Variants in R3HDM2 observed in about 807,000 individuals in gnomAD.
The protein encoded by R3HDM2 is R3H domain-containing protein 2.
Under a neutral mutation model 124.5 loss-of-function variants are expected in R3HDM2, and 38 were observed. That is an observed-to-expected ratio of 0.31 (90% CI 0.24 to 0.40). The LOEUF is 0.40. R3HDM2 is among the 10% of genes least tolerant of loss of function. The pLI, the probability that R3HDM2 is intolerant of heterozygous loss-of-function variation, is 1.00. For missense variants in R3HDM2, 869 were observed against 1,236.9 expected (o/e 0.70, Z 4.46); for synonymous variants, 391 against 448.0 (o/e 0.87, Z 1.61).
chr12:57,358,517 T>C (rs2061543165), intron 2 of R3HDM2, among the ~76,000 whole-genome samples: 1 of 151,848 alleles, frequency 6.6e-6, no homozygotes, highest in Non-Finnish European at 1.5e-5. Flanking sequence ...CATGGTACTG[T>C]GCACCTGTAC....
intron 2 of R3HDM2, among the ~76,000 whole-genome samples, chr12:57,320,824 T>C (rs1003454525): frequency 6.6e-6 from 1 of 152,120 alleles, no homozygotes; most frequent in Admixed American, 6.6e-5. Context: ...ATATGTTAGA[T>C]AGGGGATATT....
chr12:57,317,931 G>C (rs1401535664), intron 2 of R3HDM2, among the ~76,000 whole-genome samples: 1 of 148,556 alleles, frequency 6.7e-6, no homozygotes, highest in Non-Finnish European at 1.5e-5. Context: ...AGTGAGCCAA[G>C]ACTGCACCAT....
chr12:57,379,955 T>C (rs1202650326), intron 2 of R3HDM2, among the ~76,000 whole-genome samples: 1 of 152,146 alleles, frequency 6.6e-6, no homozygotes, highest in East Asian at 1.9e-4. Flanking sequence ...CTTCAACTTA[T>C]CTTCCTTACC....
chr12:57,253,935 A>G lies in R3HDM2; in HGVS notation c.*838T>C, dbSNP rs1248419778. ...GTTACTGCGGCACGAACCTCAAACAAACAATATACAAGTGTTCTGGGGGGG... is the reference window on the plus strand; with the variant it reads ...GTTACTGCGGCACGAACCTCAAACAGACAATATACAAGTGTTCTGGGGGGG... On this transcript the variant is annotated 3_prime_UTR_variant, in exon 24 of 24. Transcript: ENST00000402412. 3.3e-6 allele frequency: 1 copy of G among 298,852 alleles called. No homozygotes were observed. Among genetic ancestry groups the G allele is most frequent in the Admixed American group, 5.6e-5 (1 of 17,978 alleles). The allele number at this position is 298,852 out of a possible 1,614,324, so 18.5% of individuals were successfully genotyped here.
chr12:57,325,683 C>T (rs1250812834), intron 2 of R3HDM2, among the ~76,000 whole-genome samples: 3 of 151,498 alleles, frequency 2.0e-5, no homozygotes, highest in Admixed American at 2.0e-4. Context: ...TTGCTGGAAC[C>T]ACAGGCATGC....
At chr12:57,360,048 T>TATATATATA (rs58471413) in intron 2 of R3HDM2, among the ~76,000 whole-genome samples, 1 of 59,268 alleles carries the variant, frequency 1.7e-5, no homozygotes, top group African/African-American at 7.6e-5. Flanking sequence ...TATATATATA[T>TATATATATA]TTTTTTTTTT....
At chr12:57,386,333 G>C (rs1020648182) in intron 2 of R3HDM2, among the ~76,000 whole-genome samples, 2 of 152,352 alleles carry the variant, frequency 1.3e-5, no homozygotes, top group Non-Finnish European at 2.9e-5. Context: ...GGCGGGAACC[G>C]AGGCTGCCCA....
chr12:57,284,094 C>T, intron 12 of R3HDM2, 38 bp from the exon 13 acceptor site: 1 of 1,524,560 alleles, frequency 6.6e-7, no homozygotes, highest in Non-Finnish European at 8.9e-7. Flanking sequence ...CTCCCACCCA[C>T]CACTTTAGCA....
intron 2 of R3HDM2, among the ~76,000 whole-genome samples, chr12:57,313,488 CAGG>C (rs1040125925): frequency 1.1e-4 from 16 of 151,524 alleles, no homozygotes; most frequent in African/African-American, 3.6e-4. Flanking sequence ...CACTTGAGCC[CAGG>C]AGGTCAAGGA....
chr12:57,430,487 C>G (rs1869558777), intron 1 of R3HDM2: 1 of 913,610 alleles, frequency 1.1e-6, no homozygotes, highest in Non-Finnish European at 1.3e-6. Flanking sequence ...CGCCACCCCC[C>G]TGCCCCCGCA....
chr12:57,287,339 G>A (rs7486863), intron 12 of R3HDM2, among the ~76,000 whole-genome samples: 67,430 of 152,020 alleles, frequency 0.44, 15,851 homozygotes, highest in Middle Eastern at 0.8. Context: ...CTATGACCCC[G>A]AAGTGTAGAC....
chr12:57,291,212 G>C (rs2048509849), intron 11 of R3HDM2, among the ~76,000 whole-genome samples: 1 of 149,682 alleles, frequency 6.7e-6, no homozygotes, highest in South Asian at 2.1e-4. Flanking sequence ...ACATACAGTT[G>C]TTCAGTTTTT....
intron 14 of R3HDM2, among the ~76,000 whole-genome samples, chr12:57,275,989 G>A (rs1423071737): frequency 6.6e-6 from 1 of 152,060 alleles, no homozygotes; most frequent in Non-Finnish European, 1.5e-5. Flanking sequence ...AGGCCAAGGC[G>A]GGCGGATCAT....
At chr12:57,399,875 C>T (rs981616811) in intron 1 of R3HDM2, among the ~76,000 whole-genome samples, 21 of 152,152 alleles carry the variant, frequency 1.4e-4, no homozygotes, top group Admixed American at 1.3e-4. Flanking sequence ...ATGGGATGCC[C>T]GATAAACTCA....
chr12:57,295,938 T>G (rs1484169295), intron 9 of R3HDM2, among the ~76,000 whole-genome samples: 7 of 152,216 alleles, frequency 4.6e-5, no homozygotes. Context: ...GGCGTGATCT[T>G]GGCTCACTCC....
chr12:57,343,525 T>C (rs960427793), intron 2 of R3HDM2, among the ~76,000 whole-genome samples: 5 of 151,836 alleles, frequency 3.3e-5, no homozygotes. Flanking sequence ...GGAAGGATAG[T>C]AATAATCTCT....
intron 2 of R3HDM2, among the ~76,000 whole-genome samples, chr12:57,384,881 G>A (rs566237691): frequency 3.6e-4 from 55 of 152,232 alleles, no homozygotes; most frequent in African/African-American, 1.3e-3. Flanking sequence ...AGGCGTGGTC[G>A]CTCACACGTG....
chr12:57,262,689 C>T (rs999365213), intron 19 of R3HDM2, among the ~76,000 whole-genome samples: 28 of 152,194 alleles, frequency 1.8e-4, no homozygotes, highest in African/African-American at 6.8e-4. Context: ...TGGGTTATGC[C>T]TGCTGTCTAT....
At chr12:57,260,743 G>A (rs1362354004) in intron 19 of R3HDM2, among the ~76,000 whole-genome samples, 1 of 152,144 alleles carries the variant, frequency 6.6e-6, no homozygotes, top group African/African-American at 2.4e-5. Context: ...ATGGCTCGAT[G>A]CTCCAGGGCT....
Sources: allele counts gnomAD v4.1 joint callset (sites outside exome capture counted in the v4.1 genomes callset), GRCh38; gene constraint gnomAD v4.1.1; transcripts MANE v1.5; gene names NCBI Gene and HGNC (gene_info 2026-07-23, HGNC 2026-07-21).